CYB5A: variants seen among roughly 807,000 people sequenced by gnomAD.
CYB5A encodes cytochrome b5.
CYB5A carries 10 observed loss-of-function variants against 16.2 expected under a neutral mutation model. The observed-to-expected ratio is 0.62, with a 90% CI of 0.38 to 1.04. The LOEUF is 1.04. CYB5A is among the 50% of genes least tolerant of loss of function. The pLI is 0.01. For synonymous variants in CYB5A, 62 were observed against 57.0 expected (o/e 1.09, Z -0.40); for missense variants, 161 against 165.9 (o/e 0.97, Z 0.16).
intron 1 of CYB5A, among the ~76,000 whole-genome samples, chr18:74,285,601 T>C (rs1319193634): frequency 1.3e-5 from 2 of 152,142 alleles, no homozygotes; most frequent in African/African-American, 2.4e-5. Context: ...GAGTGGCTCA[T>C]GCCTGTAATC....
chr18:74,289,985 C>A (rs564326727), intron 1 of CYB5A, among the ~76,000 whole-genome samples: 7 of 151,998 alleles, frequency 4.6e-5, no homozygotes, highest in Non-Finnish European at 1.0e-4. Context: ...TATAAAATAT[C>A]CTAATATTCT....
At chr18:74,285,843 CAAAAAAAAAA>C (rs58176740) in intron 1 of CYB5A, among the ~76,000 whole-genome samples, 5 of 70,866 alleles carry the variant, frequency 7.1e-5, no homozygotes, top group Non-Finnish European at 1.3e-4. Context: ...GACCCCATCT[CAAAAAAAAAA>C]AAAAAAAAAA....
chr18:74,291,331 G>A (rs1274559462), intron 1 of CYB5A, among the ~76,000 whole-genome samples: 1 of 152,258 alleles, frequency 6.6e-6, no homozygotes, highest in Non-Finnish European at 1.5e-5. Context: ...CGAGGATGCC[G>A]CCGCGCAGGG....
At chr18:74,272,052 G>C (rs1568219731) in intron 1 of CYB5A, among the ~76,000 whole-genome samples, 2 of 152,286 alleles carry the variant, frequency 1.3e-5, no homozygotes, top group Admixed American at 1.3e-4. Context: ...TTATTTTAAA[G>C]ACTAACTTTC....
intron 1 of CYB5A, among the ~76,000 whole-genome samples, chr18:74,264,375 T>G (rs896192471): frequency 6.6e-6 from 1 of 152,198 alleles, no homozygotes; most frequent in Non-Finnish European, 1.5e-5. Flanking sequence ...ATTGCTCTTA[T>G]TCTCTACCCA....
intron 1 of CYB5A, among the ~76,000 whole-genome samples, chr18:74,266,750 CAAA>C (rs71168468): frequency 1.4e-5 from 2 of 141,908 alleles, no homozygotes. Flanking sequence ...AATTTTCTAA[CAAA>C]AAAAAAAAAG....
At chr18:74,255,127 CG>C (rs1981922435) in intron 4 of CYB5A, among the ~76,000 whole-genome samples, 1 of 152,122 alleles carries the variant, frequency 6.6e-6, no homozygotes, top group South Asian at 2.1e-4. Flanking sequence ...AGAACACCAA[CG>C]GACTGAGGCA....
Position 74,284,727 on chromosome 18 carries a change from C to T in CYB5A, c.129+7020G>A, listed in dbSNP as rs370862869. 4.6e-5 allele frequency among the ~76,000 whole-genome samples: 7 copies of T among 152,308 alleles called. No individual in the cohort carries two copies. In the East Asian group the frequency reaches 9.6e-4, roughly 21 times the overall value. ...CTAGAGGCTGTTAATCACCCCATCC[C>T]TTCCCTTAGGTCCACATCCCTTATC... On this transcript the variant is annotated intron_variant, in intron 1 of 4. Transcript: ENST00000340533.
At chr18:74,255,975 A>T in intron 3 of CYB5A, 200 bp from the exon 4 acceptor site, 1 of 573,062 alleles carries the variant, frequency 1.7e-6, no homozygotes, top group Non-Finnish European at 3.1e-6. Context: ...TTTAATCATT[A>T]TATTTACTTA....
intron 1 of CYB5A, among the ~76,000 whole-genome samples, chr18:74,267,926 G>T (rs1426638474): frequency 6.6e-6 from 1 of 152,204 alleles, no homozygotes; most frequent in African/African-American, 2.4e-5. Context: ...AGAGGATGTC[G>T]CGGGTCAGTA....
chr18:74,262,001 A>T (rs543940695), intron 2 of CYB5A, among the ~76,000 whole-genome samples: 18 of 152,210 alleles, frequency 1.2e-4, no homozygotes, highest in Non-Finnish European at 2.5e-4. Context: ...GTGCGGCCCC[A>T]GGATCCACTC....
At chr18:74,289,865 G>A (rs1183587952) in intron 1 of CYB5A, among the ~76,000 whole-genome samples, 1 of 151,234 alleles carries the variant, frequency 6.6e-6, no homozygotes, top group Non-Finnish European at 1.5e-5. Flanking sequence ...ATCCTACAAT[G>A]CCCAGGACAG....
intron 1 of CYB5A, among the ~76,000 whole-genome samples, chr18:74,286,187 G>A (rs1399597032): frequency 1.3e-5 from 2 of 152,246 alleles, no homozygotes; most frequent in Admixed American, 6.5e-5. Flanking sequence ...GGGGAGCAGA[G>A]CTCCAGGCAG....
chr18:74,258,146 G>A (rs967665176), intron 3 of CYB5A: 1 of 148,622 alleles, frequency 6.7e-6, no homozygotes, highest in Non-Finnish European at 1.5e-5. Flanking sequence ...AGAACCTAGA[G>A]GAGAAGCTTA....
In CYB5A at chr18:74,279,640, C is replaced by T. The variant is rs180953770; in HGVS notation, c.129+12107G>A. Among the ~76,000 whole-genome samples the T allele has an allele frequency of 3.1e-3, 461 of 149,664 alleles. 1 individual carries two copies. Among genetic ancestry groups the T allele is most frequent in the Middle Eastern group, 0.014 (4 of 294 alleles). On this transcript the variant is annotated intron_variant, in intron 1 of 4. Transcript: ENST00000340533. ...AGCAGGATTGACAGTGGCATGTGCC[C>T]ATCTCTCTCTTTTGTTTTTTTTCCT...
intron 3 of CYB5A, chr18:74,256,424 C>T (rs1981983053): frequency 5.1e-6 from 1 of 196,424 alleles, no homozygotes; most frequent in Non-Finnish European, 1.0e-5. Flanking sequence ...AGCAAATCCC[C>T]AGATAAGGAA....
intron 2 of CYB5A, chr18:74,261,807 C>A (rs1982211259): frequency 6.6e-6 from 1 of 152,212 alleles, no homozygotes; most frequent in Admixed American, 6.5e-5. Flanking sequence ...TTCCTATATT[C>A]TTTAAGAGTT....
chr18:74,268,467 T>C (rs1348292127), intron 1 of CYB5A, among the ~76,000 whole-genome samples: 1 of 149,984 alleles, frequency 6.7e-6, no homozygotes, highest in African/African-American at 2.4e-5. Flanking sequence ...AGGATTCTGA[T>C]CTTTGTCCTG....
chr18:74,255,645 G>A, intron 4 of CYB5A, 96 bp downstream of exon 4: 1 of 1,004,440 alleles, frequency 1.0e-6, no homozygotes, highest in East Asian at 2.4e-5. Context: ...CACAGTGTCA[G>A]GCCCAGGAAC....
Sources: allele counts gnomAD v4.1 joint callset (sites outside exome capture counted in the v4.1 genomes callset), GRCh38; gene constraint gnomAD v4.1.1; transcripts MANE v1.5; gene names NCBI Gene and HGNC (gene_info 2026-07-23, HGNC 2026-07-21).